SLC25A13: variants seen among roughly 807,000 people sequenced by gnomAD.
The protein encoded by SLC25A13 is solute carrier family 25 member 13, also known as electrogenic aspartate/glutamate antiporter SLC25A13, mitochondrial.
SLC25A13 carries 70 observed loss-of-function variants against 85.5 expected under a neutral mutation model. That is an observed-to-expected ratio of 0.82 (90% confidence interval 0.68 to 1.00). The LOEUF (loss-of-function observed/expected upper bound fraction) is 1.00, where lower values mean the gene tolerates loss of function less well. Ranked by LOEUF, SLC25A13 falls within the 50% of genes least tolerant of loss-of-function variation. SLC25A13 has a pLI of 0.00. For missense variants in SLC25A13, 765 were observed against 819.8 expected (o/e 0.93, Z 0.82); for synonymous variants, 259 against 288.7 (o/e 0.90, Z 1.04).
At chr7:96,181,387 C>G (rs758520468) in intron 11 of SLC25A13, among the ~76,000 whole-genome samples, 1 of 152,226 alleles carries the variant, frequency 6.6e-6, no homozygotes, top group Non-Finnish European at 1.5e-5. Context: ...ATGCAGCCAG[C>G]TGCGGGGGAG....
At chr7:96,192,946 G>GA (rs201512501) in intron 6 of SLC25A13, 91 bp downstream of exon 6, 202 of 1,395,108 alleles carry the variant, frequency 1.4e-4, no homozygotes, top group East Asian at 1.9e-4. Context: ...GTTTGCAACA[G>GA]AAAAAAAACA....
intron 13 of SLC25A13, among the ~76,000 whole-genome samples, chr7:96,159,505 GA>G (rs1412446468): frequency 2.6e-5 from 4 of 152,160 alleles, no homozygotes; most frequent in Non-Finnish European, 4.4e-5. Context: ...CCATCTGCAA[GA>G]AAAGAAGAGA....
At chr7:96,277,583 T>G (rs1221651751) in intron 2 of SLC25A13, among the ~76,000 whole-genome samples, 1 of 152,080 alleles carries the variant, frequency 6.6e-6, no homozygotes, top group Non-Finnish European at 1.5e-5. Context: ...TGATGGCAAT[T>G]AAGATTGTCA....
At chr7:96,205,914 G>A (rs886172319) in intron 5 of SLC25A13, among the ~76,000 whole-genome samples, 2 of 151,384 alleles carry the variant, frequency 1.3e-5, no homozygotes, top group Admixed American at 6.6e-5. Context: ...GCTCACACTT[G>A]CTTAGATATA....
intron 13 of SLC25A13, among the ~76,000 whole-genome samples, chr7:96,148,243 T>C (rs1166242743): frequency 2.0e-5 from 3 of 152,062 alleles, no homozygotes; most frequent in Non-Finnish European, 2.9e-5. Context: ...GTCTAGGAAG[T>C]AGAGTGTGAG....
At chr7:96,227,178 C>T (rs1431685752) in intron 4 of SLC25A13, among the ~76,000 whole-genome samples, 1 of 152,168 alleles carries the variant, frequency 6.6e-6, no homozygotes, top group Non-Finnish European at 1.5e-5. Context: ...CAAAATTGTA[C>T]ACATGCACCA....
intron 11 of SLC25A13, among the ~76,000 whole-genome samples, chr7:96,177,584 T>G (rs1218104956): frequency 3.3e-5 from 5 of 152,204 alleles, no homozygotes. Flanking sequence ...ATGGGAATAA[T>G]CATGATGCCA....
chr7:96,297,020 G>A, intron 1 of SLC25A13, 69 bp from the exon 2 acceptor site: 1 of 1,362,540 alleles, frequency 7.3e-7, no homozygotes, highest in Non-Finnish European at 1.0e-6. Flanking sequence ...CCGACTAAAG[G>A]AAAATAAATC....
At chr7:96,230,745 C>A (rs977716806) in intron 4 of SLC25A13, among the ~76,000 whole-genome samples, 1 of 152,120 alleles carries the variant, frequency 6.6e-6, no homozygotes, top group Non-Finnish European at 1.5e-5. Context: ...AATTGGCTAG[C>A]CATATGCAGA....
chr7:96,296,704 C>T (rs1288933264), intron 2 of SLC25A13, among the ~76,000 whole-genome samples, 194 bp downstream of exon 2: 1 of 152,172 alleles, frequency 6.6e-6, no homozygotes, highest in East Asian at 1.9e-4. Flanking sequence ...TGGTCTCAAA[C>T]TCCTGACCTC....
chr7:96,158,406 T>C (rs1793371727), intron 13 of SLC25A13, among the ~76,000 whole-genome samples: 1 of 152,234 alleles, frequency 6.6e-6, no homozygotes, highest in Non-Finnish European at 1.5e-5. Context: ...CAATTTCAAC[T>C]ATATTTTAAA....
chr7:96,232,940 T>A (rs930201592), intron 4 of SLC25A13, among the ~76,000 whole-genome samples: 21 of 152,210 alleles, frequency 1.4e-4, no homozygotes, highest in African/African-American at 4.6e-4. Context: ...TCCTGCTTCT[T>A]CACTATCATT....
At chr7:96,153,335 A>G (rs1262526237) in intron 13 of SLC25A13, among the ~76,000 whole-genome samples, 1 of 152,256 alleles carries the variant, frequency 6.6e-6, no homozygotes, top group Middle Eastern at 3.2e-3. Flanking sequence ...ATAGTAAAAT[A>G]ATATTCTGGC....
At chr7:96,269,436 C>T (rs1199349166) in intron 3 of SLC25A13, among the ~76,000 whole-genome samples, 1 of 152,220 alleles carries the variant, frequency 6.6e-6, no homozygotes, top group Admixed American at 6.5e-5. Flanking sequence ...AGACAGTTGA[C>T]AACAGGGGTC....
Position 96,184,360 on chromosome 7 carries a change from A to C in SLC25A13, c.1094T>G (p.Phe365Cys). ...GTTTTTATACATGAGTTCTCCCACA[A>C]AAGAGCCAGTTGATCGTTGGTTCTG... ...RMQNQRSTGS[F>C]VGELMYKNSF... Residue 365 changes from phenylalanine to cysteine, a missense_variant, in exon 11 of 18, where the codon TTT (phenylalanine) becomes TGT (cysteine). By Grantham distance (205) the Phe-to-Cys change is radical. Transcript: ENST00000265631. The C allele has an allele frequency of 1.9e-6, 3 of 1,614,178 alleles. No individual in the cohort carries two copies. Among genetic ancestry groups the C allele is most frequent in the Non-Finnish European group, 2.5e-6 (3 of 1,180,020 alleles).
chr7:96,172,213 T>A (rs1794032602), intron 11 of SLC25A13, among the ~76,000 whole-genome samples: 1 of 152,174 alleles, frequency 6.6e-6, no homozygotes, highest in South Asian at 2.1e-4. Flanking sequence ...CCTATAAGTG[T>A]GTTTTATTGA....
At chr7:96,200,019 A>C (rs1023552017) in intron 5 of SLC25A13, among the ~76,000 whole-genome samples, 2 of 152,002 alleles carry the variant, frequency 1.3e-5, no homozygotes, top group African/African-American at 4.8e-5. Flanking sequence ...ACAAAAACCC[A>C]AAAAACCCAG....
chr7:96,146,172 A>G (rs944796772), intron 14 of SLC25A13, among the ~76,000 whole-genome samples: 11 of 152,218 alleles, frequency 7.2e-5, no homozygotes, highest in African/African-American at 2.7e-4. Flanking sequence ...ATATATAGAG[A>G]AAACATGGAT....
intron 2 of SLC25A13, among the ~76,000 whole-genome samples, chr7:96,294,624 G>GA (rs981289009): frequency 2.6e-4 from 35 of 136,920 alleles, no homozygotes; most frequent in Middle Eastern, 3.8e-3. Context: ...AAAAAAAAAA[G>GA]AAAAAAAAGA....
Sources: gnomAD v4.1 joint callset for allele counts (sites outside exome capture counted in the v4.1 genomes callset) on GRCh38, gnomAD v4.1.1 for gene constraint, MANE v1.5 for transcripts, NCBI Gene and HGNC (gene_info 2026-07-23, HGNC 2026-07-21) for gene names.